Variants in PIK3C2G observed in about 807,000 individuals in gnomAD.
PIK3C2G encodes the protein phosphatidylinositol-4-phosphate 3-kinase catalytic subunit type 2 gamma.
In PIK3C2G, 168 loss-of-function variants were observed where a neutral mutation model predicts 181.1. The ratio of observed to expected loss-of-function variants is 0.93; its 90% CI spans 0.82 to 1.05. PIK3C2G has a LOEUF of 1.05. Ranked by LOEUF, PIK3C2G falls within the 50% of genes least tolerant of loss-of-function variation. PIK3C2G has a pLI of 0.00. For synonymous variants in PIK3C2G, 573 were observed against 592.2 expected (o/e 0.97, Z 0.47); for missense variants, 1,869 against 1,732.8 (o/e 1.08, Z -1.40).
chr12:18,442,787 A>G (rs1946815070), intron 18 of PIK3C2G, among the ~76,000 whole-genome samples: 2 of 152,164 alleles, frequency 1.3e-5, no homozygotes, highest in South Asian at 4.1e-4. Flanking sequence ...AAAATTATGC[A>G]TCTTTTTATG....
At chr12:18,267,518 C>A (rs527856650) in intron 1 of PIK3C2G, among the ~76,000 whole-genome samples, 1 of 152,210 alleles carries the variant, frequency 6.6e-6, no homozygotes, top group African/African-American at 2.4e-5. Flanking sequence ...ACATTTTTCC[C>A]AATTACTCGT....
intron 15 of PIK3C2G, among the ~76,000 whole-genome samples, chr12:18,397,692 A>G (rs560762490): frequency 3.9e-5 from 6 of 152,236 alleles, no homozygotes; most frequent in Admixed American, 3.3e-4. Flanking sequence ...AAATTTTACA[A>G]TTACTTCAGA....
intron 11 of PIK3C2G, among the ~76,000 whole-genome samples, chr12:18,355,587 A>G (rs1425601406): frequency 1.3e-5 from 2 of 152,142 alleles, no homozygotes; most frequent in East Asian, 1.9e-4. Flanking sequence ...GGCCCCAAAG[A>G]CTACCCTGGG....
intron 29 of PIK3C2G, among the ~76,000 whole-genome samples, chr12:18,589,303 T>C (rs1946951027): frequency 6.6e-6 from 1 of 151,988 alleles, no homozygotes; most frequent in Non-Finnish European, 1.5e-5. Context: ...GTGATGGGAA[T>C]GTTAGGAACA....
chr12:18,427,056 C>T (rs1334135200), intron 18 of PIK3C2G, among the ~76,000 whole-genome samples: 1 of 152,060 alleles, frequency 6.6e-6, no homozygotes, highest in African/African-American at 2.4e-5. Flanking sequence ...TGTAAGACTC[C>T]ATTAAACTCA....
At chr12:18,271,404 A>G (rs751722123) in intron 1 of PIK3C2G, among the ~76,000 whole-genome samples, 1 of 152,122 alleles carries the variant, frequency 6.6e-6, no homozygotes, top group Non-Finnish European at 1.5e-5. Context: ...GTAATAAAAT[A>G]CTCATGTTTT....
the PIK3C2G span, chr12:18,695,149 C>A: frequency 7.0e-7 from 1 of 1,429,940 alleles, no homozygotes; most frequent in Non-Finnish European, 9.8e-7. Context: ...AAACCACTTA[C>A]TGAAATCTAA....
chr12:18,388,061 A>G (rs1419520484), intron 14 of PIK3C2G, among the ~76,000 whole-genome samples: 1 of 152,174 alleles, frequency 6.6e-6, no homozygotes, highest in Non-Finnish European at 1.5e-5. Flanking sequence ...CAGTCTTATC[A>G]TTGATACAAA....
chr12:18,567,827 C>T (rs572748370), intron 29 of PIK3C2G, among the ~76,000 whole-genome samples: 2 of 152,234 alleles, frequency 1.3e-5, no homozygotes, highest in East Asian at 3.9e-4. Context: ...CAGTACATAT[C>T]AATTTTCTTT....
chr12:18,526,907 G>C (rs1943267426), intron 24 of PIK3C2G, among the ~76,000 whole-genome samples: 2 of 152,006 alleles, frequency 1.3e-5, no homozygotes, highest in African/African-American at 2.4e-5. Flanking sequence ...CTTTTGAATA[G>C]CTCCCTTATA....
At position 18,488,589 on chromosome 12, in the gene PIK3C2G, T is replaced by C. The variant is rs769855918; in HGVS notation, c.2645T>C (p.Ile882Thr). 18 of 1,570,488 alleles carry C rather than the reference T, an allele frequency of 1.1e-5. No individual in the cohort carries two copies. Among genetic ancestry groups the C allele is most frequent in the African/African-American group, 1.1e-4 (8 of 72,722 alleles). Residue 882 changes from isoleucine to threonine, a missense_variant, in exon 19 of 33, where the codon ATT becomes ACT. Coordinates refer to ENST00000538779, the MANE Select transcript of PIK3C2G (RefSeq NM_001288772.2). ...AAACTTATCAAAATTCTGGGAGATA[T>C]TGGGGAAAGAGTCAAGTCTGCCAGT... ...EQKLIKILGD[I>T]GERVKSASDH...
intron 16 of PIK3C2G, 92 bp from the exon 17 acceptor site, chr12:18,420,849 G>C (rs1276248084): frequency 1.4e-6 from 1 of 701,774 alleles, no homozygotes; most frequent in Admixed American, 2.1e-5. Context: ...CTTATGCACT[G>C]GGGGTAGAAT....
intron 18 of PIK3C2G, among the ~76,000 whole-genome samples, chr12:18,457,201 A>G (rs1947676619): frequency 6.6e-6 from 1 of 152,198 alleles, no homozygotes; most frequent in Non-Finnish European, 1.5e-5. Context: ...GTTTGTGCAT[A>G]GGAAATTACT....
intron 5 of PIK3C2G, among the ~76,000 whole-genome samples, chr12:18,303,388 G>T (rs1389393487): frequency 6.6e-6 from 1 of 150,980 alleles, no homozygotes; most frequent in East Asian, 2.0e-4. Flanking sequence ...AGGCTGAAGT[G>T]CAGTGGCATG....
intron 2 of PIK3C2G, among the ~76,000 whole-genome samples, chr12:18,282,985 C>T (rs949652817): frequency 6.6e-6 from 1 of 151,692 alleles, no homozygotes; most frequent in Non-Finnish European, 1.5e-5. Flanking sequence ...GTTCCAGTTT[C>T]ATCAAAACTA....
chr12:18,460,444 C>T (rs1004054658), intron 18 of PIK3C2G, among the ~76,000 whole-genome samples: 4 of 151,532 alleles, frequency 2.6e-5, no homozygotes, highest in Admixed American at 6.6e-5. Flanking sequence ...TGTGGTGGCA[C>T]GCGCCTGTAA....
chr12:18,523,287 T>C (rs1943029621), intron 24 of PIK3C2G, among the ~76,000 whole-genome samples: 1 of 152,234 alleles, frequency 6.6e-6, no homozygotes, highest in African/African-American at 2.4e-5. Context: ...GGCAGTGTCA[T>C]ATTTCCATGA....
At chr12:18,546,171 C>T (rs561128257) in intron 25 of PIK3C2G, among the ~76,000 whole-genome samples, 152 bp from the exon 26 acceptor site, 17 of 152,028 alleles carry the variant, frequency 1.1e-4, no homozygotes, top group South Asian at 8.3e-4. Context: ...TAAAAACGCA[C>T]GAACTTATAT....
In PIK3C2G at chr12:18,424,041, T is replaced by G. The variant is rs779428770; in HGVS notation, c.2504+2T>G. 32 of 1,585,262 alleles carry G rather than the reference T, an allele frequency of 2.0e-5. No individual in the cohort carries two copies. The highest frequency in any genetic ancestry group is 2.7e-5 in the Non-Finnish European group (31 of 1,156,930). On this transcript the variant is annotated splice_donor_variant, in intron 18 of 32. Coordinates refer to ENST00000538779, the MANE Select transcript of PIK3C2G (RefSeq NM_001288772.2). LOFTEE classifies it high-confidence loss of function. ...CCAGGTTGCCCATCGTCTTTACTGG[T>G]AAGATTAACTAAATCAGGCAAGGAT...
Sources: allele counts gnomAD v4.1 joint callset (sites outside exome capture counted in the v4.1 genomes callset), GRCh38; gene constraint gnomAD v4.1.1; transcripts MANE v1.5; gene names NCBI Gene and HGNC (gene_info 2026-07-23, HGNC 2026-07-21).